Variants in MTFR1 observed in about 807,000 individuals in gnomAD.
MTFR1 encodes mitochondrial fission regulator 1, also known as chondrocyte protein with a poly-proline region.
Under a neutral mutation model 38.8 loss-of-function variants are expected in MTFR1, and 28 were observed. That is an observed-to-expected ratio of 0.72 (90% CI 0.53 to 0.99). MTFR1 has a LOEUF of 0.99. MTFR1 is among the 50% of genes least tolerant of loss of function. MTFR1 has a pLI of 0.00. For missense variants in MTFR1, 358 were observed against 395.5 expected, an observed-to-expected ratio of 0.91 and a Z score of 0.81; for synonymous variants, 145 against 137.0, an observed-to-expected ratio of 1.06 and a Z score of -0.41.
intron 4 of MTFR1, among the ~76,000 whole-genome samples, chr8:65,696,962 A>T (rs111318240): frequency 1.4e-5 from 2 of 142,110 alleles, no homozygotes; most frequent in African/African-American, 5.2e-5. Context: ...TGCCTGGCCA[A>T]TATGTAACCT....
intron 3 of MTFR1, among the ~76,000 whole-genome samples, chr8:65,743,997 C>T (rs550919598): frequency 2.1e-4 from 32 of 152,184 alleles, no homozygotes; most frequent in African/African-American, 7.5e-4. Context: ...CACACCCAGC[C>T]AATGTTTGTA....
chr8:65,712,196 G>A (rs1470661475), downstream of MTFR1, among the ~76,000 whole-genome samples: 1 of 152,200 alleles, frequency 6.6e-6, no homozygotes, highest in Non-Finnish European at 1.5e-5. Flanking sequence ...CATTTTAAGG[G>A]TGAAAAAGGA....
At chr8:65,676,885 T>C (rs1009893770) in intron 2 of MTFR1, among the ~76,000 whole-genome samples, 6 of 152,074 alleles carry the variant, frequency 3.9e-5, no homozygotes, top group African/African-American at 1.2e-4. Flanking sequence ...CAAACTACTT[T>C]CCTGTTGTCA....
chr8:65,705,098 G>A (rs1805742276), intron 5 of MTFR1, among the ~76,000 whole-genome samples, 169 bp downstream of exon 5: 1 of 152,178 alleles, frequency 6.6e-6, no homozygotes, highest in African/African-American at 2.4e-5. Flanking sequence ...GGCTGAGGCA[G>A]GCAGATCACG....
At chr8:65,754,922 G>A (rs1473078429) in intron 3 of MTFR1, among the ~76,000 whole-genome samples, 3 of 150,176 alleles carry the variant, frequency 2.0e-5, no homozygotes, top group South Asian at 2.1e-4. Flanking sequence ...CCGAGATCGC[G>A]CCACTGCACT....
At chr8:65,681,835 T>C (rs920987466) in intron 2 of MTFR1, among the ~76,000 whole-genome samples, 1 of 152,188 alleles carries the variant, frequency 6.6e-6, no homozygotes, top group African/African-American at 2.4e-5. Context: ...TTTCAGCCTT[T>C]GCTCACCCTT....
chr8:65,669,935 G>A lies in MTFR1; in HGVS notation c.-18G>A, dbSNP rs775117824. The stretch of plus-strand genomic sequence containing the variant: ...AGAAGTACTTGAAATGCAAATTTGG[G>A]GAGACTTTGCCATATAAATGCTTGG... On this transcript the variant is annotated 5_prime_UTR_variant, in exon 2 of 8. Transcript: ENST00000262146. The A allele has an allele frequency of 7.5e-6, 12 of 1,602,256 alleles. No homozygotes were observed. In the South Asian group the frequency reaches 1.3e-4, roughly 17 times the overall value.
intron 5 of MTFR1, among the ~76,000 whole-genome samples, chr8:65,706,055 G>A (rs1384381457): frequency 6.6e-6 from 1 of 152,158 alleles, no homozygotes; most frequent in East Asian, 1.9e-4. Flanking sequence ...TATACTTCTG[G>A]AGTTTAACGT....
intron 3 of MTFR1, among the ~76,000 whole-genome samples, chr8:65,729,044 T>C (rs1023685812): frequency 1.3e-4 from 20 of 152,260 alleles, no homozygotes; most frequent in African/African-American, 4.6e-4. Context: ...TTCAATATTA[T>C]AACAAAGACA....
At chr8:65,680,679 A>C (rs1352606515) in intron 2 of MTFR1, among the ~76,000 whole-genome samples, 2 of 152,204 alleles carry the variant, frequency 1.3e-5, no homozygotes, top group African/African-American at 4.8e-5. Flanking sequence ...TCTTTAAAGT[A>C]GAATGATCAC....
chr8:65,721,318 A>G (rs973663016), intron 3 of MTFR1, among the ~76,000 whole-genome samples: 5 of 152,226 alleles, frequency 3.3e-5, no homozygotes, highest in Middle Eastern at 3.2e-3. Flanking sequence ...AAGAAACTGT[A>G]TTAGTTCAAC....
intron 3 of MTFR1, among the ~76,000 whole-genome samples, chr8:65,758,460 T>C (rs1016683561): frequency 1.3e-5 from 2 of 152,172 alleles, no homozygotes; most frequent in African/African-American, 4.8e-5. Context: ...GGCAAGAATT[T>C]ATAGTCATAT....
intron 3 of MTFR1, among the ~76,000 whole-genome samples, chr8:65,757,563 A>G (rs1122353): frequency 0.12 from 18,185 of 152,126 alleles, 1,949 homozygotes; most frequent in East Asian, 0.5. Flanking sequence ...GGAATAATTG[A>G]GCTAAGAGAT....
chr8:65,745,355 A>T, intron 3 of MTFR1: 1 of 1,000,720 alleles, frequency 1.0e-6, no homozygotes, highest in Non-Finnish European at 1.6e-6. Flanking sequence ...CTGCACCATC[A>T]ATGCAGTAAT....
rs549776567 is a variant in MTFR1 at position 65,684,354 on chromosome 8, A to T, written c.165+1903A>T. On this transcript the variant is annotated intron_variant, in intron 3 of 7. Coordinates refer to ENST00000262146, the MANE Select transcript of MTFR1 (RefSeq NM_014637.4). Reference sequence around the variant, plus strand: ...AGTGAGAGACGGAAGCCATTTGTTTATAGTTATAGATTTGTATTTCCAGTT... The same window carrying T: ...AGTGAGAGACGGAAGCCATTTGTTTTTAGTTATAGATTTGTATTTCCAGTT... 7.2e-5 allele frequency among the ~76,000 whole-genome samples: 11 copies of T among 152,136 alleles called. No homozygotes were observed. The South Asian group carries it at 2.3e-3, about 32-fold the overall frequency.
intron 1 of MTFR1, among the ~76,000 whole-genome samples, chr8:65,657,740 T>C (rs1366483058): frequency 1.3e-5 from 2 of 151,674 alleles, no homozygotes; most frequent in Non-Finnish European, 2.9e-5. Context: ...TGGGTAATGA[T>C]TGTCTTCCTC....
At chr8:65,702,131 C>T (rs1349322821) in intron 4 of MTFR1, among the ~76,000 whole-genome samples, 1 of 152,106 alleles carries the variant, frequency 6.6e-6, no homozygotes, top group African/African-American at 2.4e-5. Context: ...CACTAGTTTT[C>T]TAGGTCTGTA....
chr8:65,738,448 CTT>C (rs1807249681), intron 3 of MTFR1, among the ~76,000 whole-genome samples: 1 of 152,196 alleles, frequency 6.6e-6, no homozygotes, highest in Non-Finnish European at 1.5e-5. Flanking sequence ...CGGACAAAGA[CTT>C]TACCAGGAAT....
chr8:65,729,604 C>G (rs1219789890), intron 3 of MTFR1, among the ~76,000 whole-genome samples: 1 of 152,016 alleles, frequency 6.6e-6, no homozygotes, highest in Admixed American at 6.6e-5. Flanking sequence ...CTTGCTGATG[C>G]CCAGCCTGGA....
Sources: allele counts gnomAD v4.1 joint callset (sites outside exome capture counted in the v4.1 genomes callset), GRCh38; gene constraint gnomAD v4.1.1; transcripts MANE v1.5; gene names NCBI Gene and HGNC (gene_info 2026-07-23, HGNC 2026-07-21).